Variants in MAP3K5 observed in about 807,000 individuals in gnomAD.
MAP3K5 encodes mitogen-activated protein kinase kinase kinase 5.
MAP3K5 carries 56 observed loss-of-function variants against 158.7 expected under a neutral mutation model. That is an observed-to-expected ratio of 0.35 (90% CI 0.28 to 0.44). MAP3K5 has a LOEUF of 0.44. MAP3K5 is among the 20% of genes least tolerant of loss of function. The pLI is 1.00. For missense variants in MAP3K5, 1,294 were observed against 1,674.8 expected (o/e 0.77, Z 3.97); for synonymous variants, 579 against 601.7 (o/e 0.96, Z 0.55).
chr6:136,779,213 C>A (rs927638131), intron 1 of MAP3K5, among the ~76,000 whole-genome samples: 2 of 152,042 alleles, frequency 1.3e-5, no homozygotes, highest in African/African-American at 4.8e-5. Flanking sequence ...CACCACCATA[C>A]TCCAGCCTGG....
At chr6:136,761,376 GA>G (rs1207918767) in intron 1 of MAP3K5, among the ~76,000 whole-genome samples, 2 of 151,590 alleles carry the variant, frequency 1.3e-5, no homozygotes, top group African/African-American at 4.9e-5. Flanking sequence ...TGGGAAGACA[GA>G]AGAGTAGATC....
Position 136,628,378 on chromosome 6 carries a change from C to CT in MAP3K5, c.2017-5398dup, listed in dbSNP as rs761755939. 2.0e-4 allele frequency among the ~76,000 whole-genome samples: 31 copies of CT among 151,800 alleles called. 2 individuals are homozygous for CT. The highest frequency in any genetic ancestry group is 9.7e-4 in the East Asian group (5 of 5,150). ...TCCTGCTGCCTCGGCCTCCCAACCACTGGGAGTACAGGTGGGAGCCATCAT... is the reference window on the plus strand; with the variant it reads ...TCCTGCTGCCTCGGCCTCCCAACCACTTGGGAGTACAGGTGGGAGCCATCAT... On this transcript the variant is annotated intron_variant, in intron 14 of 29. Coordinates refer to ENST00000359015, the MANE Select transcript of MAP3K5 (RefSeq NM_005923.4).
chr6:136,713,056 A>C (rs2114744664), intron 2 of MAP3K5, among the ~76,000 whole-genome samples: 1 of 152,362 alleles, frequency 6.6e-6, no homozygotes, highest in African/African-American at 2.4e-5. Context: ...TCAAAGATAT[A>C]TTCTAAAAAG....
chr6:136,776,037 G>C (rs1483753992), intron 1 of MAP3K5, among the ~76,000 whole-genome samples: 1 of 152,246 alleles, frequency 6.6e-6, no homozygotes, highest in Non-Finnish European at 1.5e-5. Flanking sequence ...TAAGTGGAGA[G>C]TCCTGAGTTC....
Position 136,792,317 on chromosome 6 carries a change from C to T in MAP3K5, c.-160G>A. On this transcript the variant is annotated 5_prime_UTR_variant, in exon 1 of 30. Transcript: ENST00000359015. This position sits in a 1 kb window ranked among gnomAD's most constrained non-coding sequence, Gnocchi z 5.7. ...GCCGCCTCCTCTCCGGCGCCCTCTC[C>T]CCCGAGGGCACGCCGCTGCCCGGCG... is the stretch of plus-strand genomic sequence containing the variant. The T allele has an allele frequency of 1.9e-6, 2 of 1,035,060 alleles. No homozygotes were observed. Among genetic ancestry groups the T allele is most frequent in the South Asian group, 4.4e-5 (1 of 22,742 alleles). The allele number at this position is 1,035,060 out of a possible 1,614,324, so 64.1% of individuals were successfully genotyped here.
intron 7 of MAP3K5, among the ~76,000 whole-genome samples, chr6:136,689,063 GC>G (rs1780275798): frequency 6.6e-6 from 1 of 152,048 alleles, no homozygotes; most frequent in Admixed American, 6.6e-5. Flanking sequence ...ATTCTGGGAG[GC>G]TGAGGCAGGA....
intron 2 of MAP3K5, among the ~76,000 whole-genome samples, chr6:136,709,488 C>T (rs117080800): frequency 0.012 from 1,769 of 152,078 alleles, 20 homozygotes; most frequent in Non-Finnish European, 0.019. Context: ...CCTCATGCTC[C>T]CCCAGCATAC....
intron 3 of MAP3K5, among the ~76,000 whole-genome samples, chr6:136,703,500 G>A (rs924437219): frequency 6.6e-6 from 1 of 152,152 alleles, no homozygotes; most frequent in African/African-American, 2.4e-5. Context: ...TCCACTTCCA[G>A]CCTCCCCTGT....
intron 14 of MAP3K5, among the ~76,000 whole-genome samples, chr6:136,631,316 G>A (rs1034573809): frequency 3.3e-5 from 5 of 152,042 alleles, no homozygotes; most frequent in African/African-American, 1.2e-4. Flanking sequence ...GTAACTGTGG[G>A]TATTCAGCTT....
chr6:136,664,416 AT>A (rs1779140956), intron 8 of MAP3K5, among the ~76,000 whole-genome samples: 1 of 152,130 alleles, frequency 6.6e-6, no homozygotes. Flanking sequence ...AATAAATGTA[AT>A]GTGCCTGAAT....
intron 8 of MAP3K5, among the ~76,000 whole-genome samples, chr6:136,668,384 C>A (rs1779319546): frequency 6.6e-6 from 1 of 150,878 alleles, no homozygotes; most frequent in African/African-American, 2.5e-5. Flanking sequence ...ACCTGGTTTC[C>A]AAAAAAATTT....
chr6:136,571,305 C>T (rs1278673422), intron 25 of MAP3K5, among the ~76,000 whole-genome samples: 2 of 152,160 alleles, frequency 1.3e-5, no homozygotes, highest in East Asian at 1.9e-4. Flanking sequence ...GGGACAAGAA[C>T]CCAGAACTCA....
chr6:136,619,007 A>G (rs1776688518), intron 15 of MAP3K5, among the ~76,000 whole-genome samples: 1 of 152,174 alleles, frequency 6.6e-6, no homozygotes, highest in Non-Finnish European at 1.5e-5. Flanking sequence ...ACAGAGGAGA[A>G]AGTATACTGG....
rs1775190395 is a variant in MAP3K5, at chr6:136,587,511, G to C, written c.3226-3771C>G. Among the ~76,000 whole-genome samples, 4 of 152,308 alleles carry C rather than the reference G, an allele frequency of 2.6e-5. No homozygotes were observed. The South Asian group carries it at 8.3e-4, about 32-fold the overall frequency. ...TTAAATCGGTTGCCCAAATTGCACA[G>C]CCTTTAAGTGATGGAACCAGGCCTC... On this transcript the variant is annotated intron_variant, in intron 23 of 29. Transcript: ENST00000359015.
intron 1 of MAP3K5, among the ~76,000 whole-genome samples, chr6:136,772,199 G>A (rs1485119590): frequency 1.3e-5 from 2 of 151,224 alleles, no homozygotes; most frequent in African/African-American, 2.4e-5. Context: ...TTACAGGCGT[G>A]AGCCACCACA....
intron 9 of MAP3K5, among the ~76,000 whole-genome samples, chr6:136,657,390 T>C (rs1050811884): frequency 6.6e-6 from 1 of 152,192 alleles, no homozygotes; most frequent in East Asian, 1.9e-4. Context: ...GCGAGTACCA[T>C]TGCATAGAAT....
chr6:136,686,224 C>T (rs1583416072), intron 7 of MAP3K5, among the ~76,000 whole-genome samples: 1 of 152,010 alleles, frequency 6.6e-6, no homozygotes, highest in East Asian at 1.9e-4. Context: ...GAAGACTGTC[C>T]CATTAGAAGT....
chr6:136,592,834 G>A, intron 21 of MAP3K5: 1 of 605,162 alleles, frequency 1.7e-6, no homozygotes, highest in East Asian at 3.5e-5. Context: ...CAGGCCCTGG[G>A]AGGGATATCT....
chr6:136,676,049 A>G (rs1779690432), intron 7 of MAP3K5, among the ~76,000 whole-genome samples: 1 of 152,232 alleles, frequency 6.6e-6, no homozygotes, highest in Non-Finnish European at 1.5e-5. Context: ...GACACAAGGA[A>G]AAAATGGAGA....
Sources: allele counts gnomAD v4.1 joint callset (sites outside exome capture counted in the v4.1 genomes callset), GRCh38; gene constraint gnomAD v4.1.1; non-coding constraint Gnocchi (gnomAD v3.1); transcripts MANE v1.5; gene names NCBI Gene and HGNC (gene_info 2026-07-23, HGNC 2026-07-21).